The following NKAIN3 variants were observed in gnomAD, a reference collection of about 807,000 sequenced individuals.
NKAIN3 encodes the protein sodium/potassium transporting ATPase interacting 3, also known as sodium/potassium-transporting ATPase subunit beta-1-interacting protein 3.
In NKAIN3, 25 loss-of-function variants were observed where a neutral mutation model predicts 30.2. The ratio of observed to expected loss-of-function variants is 0.83; its 90% CI spans 0.60 to 1.16. The LOEUF is 1.16. NKAIN3 is among the 50% of genes most tolerant of loss of function. The probability of loss-of-function intolerance (pLI) is 0.00; values close to 1 mark genes in which losing one functional copy is unlikely to be tolerated. For synonymous variants in NKAIN3, 91 were observed against 89.6 expected (o/e 1.02, Z -0.09); for missense variants, 225 against 254.1 (o/e 0.89, Z 0.78).
At chr8:62,596,256 G>A (rs768183045) in intron 3 of NKAIN3, among the ~76,000 whole-genome samples, 3 of 151,880 alleles carry the variant, frequency 2.0e-5, no homozygotes, top group Non-Finnish European at 1.5e-5. Context: ...CTGAGTACTG[G>A]GGCTTTGTTT....
At chr8:62,953,854 T>C (rs1307790284) in intron 5 of NKAIN3, 48 bp from the exon 6 acceptor site, 1 of 456,198 alleles carries the variant, frequency 2.2e-6, no homozygotes, top group Non-Finnish European at 2.9e-6. Flanking sequence ...ATTAGTATTA[T>C]GTGTATTTTT....
At chr8:62,379,688 G>GC (rs57751611) in intron 1 of NKAIN3, among the ~76,000 whole-genome samples, 20,843 of 152,060 alleles carry the variant, frequency 0.14, 1,722 homozygotes, top group East Asian at 0.4. Flanking sequence ...GTTTCCTGAG[G>GC]CCTCCCAAGC....
chr8:62,832,371 C>T (rs959531915), intron 4 of NKAIN3, among the ~76,000 whole-genome samples: 5 of 151,138 alleles, frequency 3.3e-5, no homozygotes, highest in Non-Finnish European at 7.4e-5. Flanking sequence ...CAGTGAACAA[C>T]TTCACAATAG....
At chr8:62,951,520 T>C (rs1823284262) in intron 5 of NKAIN3, among the ~76,000 whole-genome samples, 1 of 152,238 alleles carries the variant, frequency 6.6e-6, no homozygotes, top group South Asian at 2.1e-4. Flanking sequence ...TGGCACAATC[T>C]GGGCTCACTG....
chr8:62,381,035 T>TA (rs1817259604), intron 1 of NKAIN3, among the ~76,000 whole-genome samples: 2 of 152,196 alleles, frequency 1.3e-5, no homozygotes. Context: ...ATCCCTGCTT[T>TA]AAAAAATATC....
chr8:62,760,743 T>A (rs1027627427), intron 4 of NKAIN3, among the ~76,000 whole-genome samples: 1 of 152,128 alleles, frequency 6.6e-6, no homozygotes, highest in African/African-American at 2.4e-5. Flanking sequence ...AACCTGCACA[T>A]TGTGCACATG....
chr8:62,406,391 G>A (rs1804067295), intron 1 of NKAIN3, among the ~76,000 whole-genome samples: 2 of 152,134 alleles, frequency 1.3e-5, no homozygotes, highest in Non-Finnish European at 2.9e-5. Context: ...GTTAGATCAT[G>A]CCCAAGATTT....
chr8:62,740,504 G>T (rs1224143833), intron 3 of NKAIN3, among the ~76,000 whole-genome samples: 5 of 152,040 alleles, frequency 3.3e-5, no homozygotes, highest in African/African-American at 1.2e-4. Context: ...TCCATTTCTA[G>T]AAATAGAAAG....
At chr8:62,446,882 C>A (rs1257345403) in intron 1 of NKAIN3, among the ~76,000 whole-genome samples, 1 of 152,000 alleles carries the variant, frequency 6.6e-6, no homozygotes, top group Non-Finnish European at 1.5e-5. Flanking sequence ...TAAGTTGTTT[C>A]CACTTTTTGG....
chr8:62,960,723 C>A (rs146286673), intron 6 of NKAIN3, among the ~76,000 whole-genome samples: 1 of 105,592 alleles, frequency 9.5e-6, no homozygotes, highest in African/African-American at 4.4e-5. Flanking sequence ...TTACACAATA[C>A]GCAGGAAAAA....
At chr8:62,906,557 A>G (rs200073007) in intron 4 of NKAIN3, among the ~76,000 whole-genome samples, 2 of 152,178 alleles carry the variant, frequency 1.3e-5, no homozygotes, top group Admixed American at 6.5e-5. Context: ...TTGTAGCTCC[A>G]ATAATTCTCA....
chr8:62,558,048 A>G (rs1809462529), intron 1 of NKAIN3, among the ~76,000 whole-genome samples: 1 of 152,080 alleles, frequency 6.6e-6, no homozygotes, highest in Non-Finnish European at 1.5e-5. Context: ...CAGGTCTTAG[A>G]TTTAAGTCCT....
chr8:62,398,075 G>GC (rs1491096008), intron 1 of NKAIN3, among the ~76,000 whole-genome samples: 1 of 152,162 alleles, frequency 6.6e-6, no homozygotes, highest in Non-Finnish European at 1.5e-5. Context: ...CTGGCAAGAA[G>GC]CCCCCCAAAC....
intron 1 of NKAIN3, among the ~76,000 whole-genome samples, chr8:62,474,521 C>G (rs775293966): frequency 3.9e-5 from 6 of 151,950 alleles, no homozygotes; most frequent in Non-Finnish European, 8.8e-5. Context: ...ACCACATGGT[C>G]TTATAGCCAG....
intron 4 of NKAIN3, among the ~76,000 whole-genome samples, chr8:62,914,951 C>T (rs972815087): frequency 6.6e-6 from 1 of 152,056 alleles, no homozygotes; most frequent in Non-Finnish European, 1.5e-5. Flanking sequence ...CTCTCCCTCT[C>T]CTTGCCCCCC....
chr8:62,550,664 C>G (rs145246465), intron 1 of NKAIN3, among the ~76,000 whole-genome samples: 2,559 of 152,224 alleles, frequency 0.017, 74 homozygotes, highest in African/African-American at 0.058. Flanking sequence ...ATTGGATTTG[C>G]ATGCAAATAA....
intron 1 of NKAIN3, among the ~76,000 whole-genome samples, chr8:62,442,090 G>A (rs1412942296): frequency 6.6e-6 from 1 of 151,838 alleles, no homozygotes; most frequent in Admixed American, 6.6e-5. Context: ...AAATTGTTGA[G>A]ATATAAAAGC....
chr8:62,554,922 A>T (rs952596510), intron 1 of NKAIN3, among the ~76,000 whole-genome samples: 1 of 151,594 alleles, frequency 6.6e-6, no homozygotes, highest in South Asian at 2.1e-4. Context: ...AAGTGAGATT[A>T]TGCAGTATTT....
At chr8:62,942,764 A>G (rs757374144) in intron 5 of NKAIN3, among the ~76,000 whole-genome samples, 14 of 152,138 alleles carry the variant, frequency 9.2e-5, no homozygotes, top group Non-Finnish European at 1.8e-4. Context: ...AAAGCAAACA[A>G]AAACATTAAG....
Sources: allele counts gnomAD v4.1 joint callset (sites outside exome capture counted in the v4.1 genomes callset), GRCh38; gene constraint gnomAD v4.1.1; transcripts MANE v1.5; gene names NCBI Gene and HGNC (gene_info 2026-07-23, HGNC 2026-07-21).